CENPP: variants seen among roughly 807,000 people sequenced by gnomAD.
The protein encoded by CENPP is centromere protein P.
In CENPP, 24 loss-of-function variants were observed where a neutral mutation model predicts 35.6. The ratio of observed to expected loss-of-function variants is 0.67; its 90% confidence interval spans 0.49 to 0.95. The LOEUF (loss-of-function observed/expected upper bound fraction) is 0.95. CENPP is among the 40% of genes least tolerant of loss of function. The probability of loss-of-function intolerance (pLI) is 0.00; values close to 1 mark genes in which losing one functional copy is unlikely to be tolerated. For missense variants in CENPP, 332 were observed against 345.3 expected (o/e 0.96, Z 0.31); for synonymous variants, 120 against 125.5 (o/e 0.96, Z 0.29).
intron 5 of CENPP, among the ~76,000 whole-genome samples, chr9:92,601,272 A>G (rs1478282999): frequency 6.6e-6 from 1 of 152,218 alleles, no homozygotes; most frequent in Non-Finnish European, 1.5e-5. Flanking sequence ...TCCTGTATGT[A>G]ATCAAAAGAT....
rs951883322 is a variant in CENPP at position 92,333,306 on chromosome 9, A to G, written c.289+955A>G. 1.7e-4 allele frequency among the ~76,000 whole-genome samples: 26 copies of G among 152,212 alleles called. 1 individual carries two copies. Among genetic ancestry groups the G allele is most frequent in the Admixed American group, 1.7e-3 (26 of 15,288 alleles). Reference sequence around the variant, plus strand: ...GGTCTTGGGCAGCCACTGCAGGGAGACTGAATTACATGTAGAAACAGAGTG... The same window carrying G: ...GGTCTTGGGCAGCCACTGCAGGGAGGCTGAATTACATGTAGAAACAGAGTG... On this transcript the variant is annotated intron_variant, in intron 2 of 7. Coordinates refer to ENST00000375587, the MANE Select transcript of CENPP (RefSeq NM_001012267.3).
chr9:92,533,899 AT>A lies in CENPP; in HGVS notation c.565-77407del, dbSNP rs534376181. Among the ~76,000 whole-genome samples, 36 of 151,724 alleles carry A rather than the reference AT, an allele frequency of 2.4e-4. 1 individual carries two copies. In the East Asian group the frequency reaches 6.4e-3, roughly 27 times the overall value. On this transcript the variant is annotated intron_variant, in intron 5 of 7. Coordinates refer to ENST00000375587, the MANE Select transcript of CENPP (RefSeq NM_001012267.3). ...TCTGATTCTCATCCCTTTGTAAGAA[AT>A]TTTTTTTCTTTCTATAGAAATTTTT...
At chr9:92,393,894 G>A (rs1842786725) in intron 5 of CENPP, among the ~76,000 whole-genome samples, 1 of 151,976 alleles carries the variant, frequency 6.6e-6, no homozygotes, top group Admixed American at 6.6e-5. Context: ...CGTCAGTGCT[G>A]TGTGTCCAAA....
chr9:92,602,432 C>A (rs565901872), intron 5 of CENPP, among the ~76,000 whole-genome samples: 1 of 152,264 alleles, frequency 6.6e-6, no homozygotes, highest in South Asian at 2.1e-4. Context: ...GGTGGGGCCG[C>A]GTCTGAGGCA....
chr9:92,453,265 C>G (rs1288148626), intron 5 of CENPP, among the ~76,000 whole-genome samples: 1 of 152,108 alleles, frequency 6.6e-6, no homozygotes, highest in Non-Finnish European at 1.5e-5. Context: ...CTACACACTG[C>G]TTTGAATGTG....
intron 5 of CENPP, among the ~76,000 whole-genome samples, chr9:92,464,140 A>G (rs576674218): frequency 3.9e-5 from 6 of 152,342 alleles, no homozygotes; most frequent in African/African-American, 9.6e-5. Context: ...CAAAGAGAGC[A>G]TGTGCCCTTG....
chr9:92,517,693 C>T (rs751287953), intron 5 of CENPP: 69 of 1,613,998 alleles, frequency 4.3e-5, no homozygotes, highest in South Asian at 1.6e-4. Flanking sequence ...GTACCAGTAG[C>T]GGAGCAGACC....
chr9:92,595,604 C>T (rs1277911464), intron 5 of CENPP, among the ~76,000 whole-genome samples: 2 of 151,312 alleles, frequency 1.3e-5, no homozygotes, highest in African/African-American at 2.4e-5. Flanking sequence ...CTCGCTCTGT[C>T]GCCCAGGCTG....
At chr9:92,405,997 A>C (rs1843294287) in intron 5 of CENPP, among the ~76,000 whole-genome samples, 1 of 152,214 alleles carries the variant, frequency 6.6e-6, no homozygotes, top group Non-Finnish European at 1.5e-5. Context: ...ACTAGAATCC[A>C]TGGTAGGGCT....
chr9:92,390,587 T>TGTGCGC lies in CENPP; in HGVS notation c.564+10729_564+10730insTGCGCG, dbSNP rs749697394. 2.6e-3 allele frequency among the ~76,000 whole-genome samples: 372 copies of TGTGCGC among 141,910 alleles called. 3 individuals are homozygous for TGTGCGC. In the Middle Eastern group the frequency reaches 0.033, roughly 13 times the overall value. 93.1% of individuals were successfully genotyped at this position (141,910 alleles called of 152,430 possible). ...CAGTGTGTGTGTGTGTGTGTGTGTGTGCGCGCGCGCGTACTTGCGTGTGCA... is the reference window on the plus strand; with the variant it reads ...CAGTGTGTGTGTGTGTGTGTGTGTGTGTGCGCGCGCGCGCGCGTACTTGCGTGTGCA... On this transcript the variant is annotated intron_variant, in intron 5 of 7. Coordinates refer to ENST00000375587, the MANE Select transcript of CENPP (RefSeq NM_001012267.3).
intron 5 of CENPP, among the ~76,000 whole-genome samples, chr9:92,595,066 T>G (rs919998988): frequency 6.6e-6 from 1 of 151,882 alleles, no homozygotes; most frequent in African/African-American, 2.4e-5. Flanking sequence ...GCAGCTAATT[T>G]TTTGTATTTT....
intron 3 of CENPP, among the ~76,000 whole-genome samples, chr9:92,338,071 C>T (rs145850983): frequency 4.6e-5 from 7 of 152,202 alleles, no homozygotes; most frequent in East Asian, 1.9e-4. Context: ...CAGCATTTTG[C>T]GGGGCCAAGG....
chr9:92,566,126 C>A lies in CENPP; in HGVS notation c.565-45188C>A, dbSNP rs529075607. On this transcript the variant is annotated intron_variant, in intron 5 of 7. Coordinates refer to ENST00000375587, the MANE Select transcript of CENPP (RefSeq NM_001012267.3). ...GACCAGCCTGGTCATCATGGTGAAA[C>A]CCCGTCTCTACTAAAAATACAAAAA... 6.1e-4 allele frequency among the ~76,000 whole-genome samples: 93 copies of A among 151,974 alleles called. No individual in the cohort carries two copies. The South Asian group carries it at 0.019, about 31-fold the overall frequency.
chr9:92,382,877 T>C lies in CENPP; in HGVS notation c.564+3018T>C, dbSNP rs1333214200. Among the ~76,000 whole-genome samples the C allele has an allele frequency of 2.7e-5, 4 of 149,982 alleles. No individual in the cohort carries two copies. The East Asian group carries it at 7.9e-4, about 30-fold the overall frequency. ...GTCTATATGTCTGTACTTACGCTAGTACCACACTGTTTTCCTTTTTTTTTT... is the reference window on the plus strand; with the variant it reads ...GTCTATATGTCTGTACTTACGCTAGCACCACACTGTTTTCCTTTTTTTTTT... On this transcript the variant is annotated intron_variant, in intron 5 of 7. Coordinates refer to ENST00000375587, the MANE Select transcript of CENPP (RefSeq NM_001012267.3).
At chr9:92,583,804 C>A (rs1414526078) in intron 5 of CENPP, among the ~76,000 whole-genome samples, 1 of 152,190 alleles carries the variant, frequency 6.6e-6, no homozygotes, top group Non-Finnish European at 1.5e-5. Context: ...GTGCCATCAT[C>A]TGTTTATGGT....
chr9:92,384,952 T>C (rs1384855626), intron 5 of CENPP: 1 of 152,554 alleles, frequency 6.6e-6, no homozygotes, highest in Non-Finnish European at 1.5e-5. Context: ...ATAAAGAAAA[T>C]ATTTTACTGA....
At chr9:92,481,947 A>G (rs554461715) in intron 5 of CENPP, among the ~76,000 whole-genome samples, 1 of 152,236 alleles carries the variant, frequency 6.6e-6, no homozygotes, top group East Asian at 1.9e-4. Context: ...TCATTATTAT[A>G]GCAATGTTAT....
intron 4 of CENPP, among the ~76,000 whole-genome samples, chr9:92,352,195 C>G (rs1172499412): frequency 6.7e-6 from 1 of 150,242 alleles, no homozygotes; most frequent in Non-Finnish European, 1.5e-5. Context: ...CATGGAGAAA[C>G]CCTGTCTATA....
chr9:92,488,769 T>C (rs1036606360), intron 5 of CENPP, among the ~76,000 whole-genome samples: 14 of 152,198 alleles, frequency 9.2e-5, no homozygotes, highest in African/African-American at 3.1e-4. Flanking sequence ...TTAATGTAAG[T>C]TTATTTGACC....
Sources: gnomAD v4.1 joint callset for allele counts (sites outside exome capture counted in the v4.1 genomes callset) on GRCh38, gnomAD v4.1.1 for gene constraint, MANE v1.5 for transcripts, NCBI Gene and HGNC (gene_info 2026-07-23, HGNC 2026-07-21) for gene names.